KITLG: variants seen among roughly 807,000 people sequenced by gnomAD.
The protein encoded by KITLG is c-Kit ligand.
A neutral mutation model predicts 34.1 loss-of-function variants in KITLG; 13 were observed. The observed-to-expected ratio is 0.38, with a 90% CI of 0.25 to 0.61. KITLG has a LOEUF of 0.61. Ranked by LOEUF, KITLG falls within the 20% of genes least tolerant of loss-of-function variation. KITLG has a pLI of 0.60. For synonymous variants in KITLG, 110 were observed against 104.0 expected, an observed-to-expected ratio of 1.06 and a Z score of -0.35; for missense variants, 292 against 318.9, an observed-to-expected ratio of 0.92 and a Z score of 0.64.
chr12:88,534,490 G>A (rs1051089467), intron 2 of KITLG, among the ~76,000 whole-genome samples: 1 of 151,800 alleles, frequency 6.6e-6, no homozygotes, highest in Non-Finnish European at 1.5e-5. Context: ...CCTCGCATGT[G>A]TCAGCCTCTG....
intron 1 of KITLG, among the ~76,000 whole-genome samples, chr12:88,549,423 G>T (rs539077999): frequency 4.2e-4 from 64 of 152,274 alleles, no homozygotes; most frequent in African/African-American, 1.4e-3. Flanking sequence ...TCAAGAAAGG[G>T]TTATAGTAAT....
chr12:88,539,443 G>A (rs1354402516), intron 2 of KITLG, among the ~76,000 whole-genome samples: 2 of 152,112 alleles, frequency 1.3e-5, no homozygotes, highest in African/African-American at 4.8e-5. Context: ...CTCAGGTACA[G>A]TAGCTTACTA....
At chr12:88,502,169 C>T (rs1415157255) in intron 9 of KITLG, among the ~76,000 whole-genome samples, 2 of 152,152 alleles carry the variant, frequency 1.3e-5, no homozygotes, top group African/African-American at 4.8e-5. Flanking sequence ...ATTCATTCTG[C>T]CATCTATTTC....
chr12:88,563,277 T>C (rs1194990629), intron 1 of KITLG, among the ~76,000 whole-genome samples: 5 of 152,206 alleles, frequency 3.3e-5, no homozygotes, highest in African/African-American at 1.2e-4. Flanking sequence ...TCCCAAAGCA[T>C]TGGTTGACTC....
intron 6 of KITLG, among the ~76,000 whole-genome samples, chr12:88,514,332 G>A (rs1869382932): frequency 6.6e-6 from 1 of 151,630 alleles, no homozygotes; most frequent in Non-Finnish European, 1.5e-5. Flanking sequence ...AGAAATCAAT[G>A]AAATATAAGC....
rs1868661705 is a variant in KITLG, at chr12:88,496,919, C to A, written c.*300G>T. 5.7e-6 allele frequency: 1 copy of A among 174,086 alleles called. No individual in the cohort carries two copies. Among genetic ancestry groups the A allele is most frequent in the African/African-American group, 2.4e-5 (1 of 41,770 alleles). 10.8% of individuals were successfully genotyped at this position (174,086 alleles called of 1,614,324 possible). On this transcript the variant is annotated 3_prime_UTR_variant, in exon 10 of 10. Transcript: ENST00000644744. ...ACATGCAGTCTGAGACACGTGCTTT[C>A]TCTTCCAACATCAGCTGCAAGTTCT...
intron 1 of KITLG, among the ~76,000 whole-genome samples, chr12:88,564,701 AC>A (rs1296138177): frequency 6.6e-6 from 1 of 151,018 alleles, no homozygotes; most frequent in African/African-American, 2.4e-5. Flanking sequence ...AGAAATGTTA[AC>A]TTTTCAGATC....
At chr12:88,550,080 G>T (rs1316978097) in intron 1 of KITLG, among the ~76,000 whole-genome samples, 2 of 152,218 alleles carry the variant, frequency 1.3e-5, no homozygotes, top group African/African-American at 4.8e-5. Context: ...ATGGGAAAAA[G>T]CCAGTCTACA....
Position 88,518,809 on chromosome 12 carries a change from A to G in KITLG, c.251T>C (p.Leu84Pro). 6.2e-7 allele frequency: 1 copy of G among 1,613,520 alleles called. No homozygotes were observed. Among genetic ancestry groups the G allele is most frequent in the Non-Finnish European group, 8.5e-7 (1 of 1,179,584 alleles). The change falls in exon 4 of 10, where the codon CTT (leucine) becomes CCT (proline). Residue 84 changes from leucine to proline, a missense_variant. Leu to Pro is a moderately conservative substitution (Grantham distance 98). Transcript: ENST00000644744. ...VVQLSDSLTD[L>P]LDKFSNISEG... The stretch of plus-strand genomic sequence containing the variant: ...AGAAATATTTGAAAACTTGTCCAGA[A>G]GATCAGTCAAGCTGTCTGACAATTG...
chr12:88,532,798 T>G (rs533835576), intron 2 of KITLG, among the ~76,000 whole-genome samples: 1 of 152,170 alleles, frequency 6.6e-6, no homozygotes, highest in Non-Finnish European at 1.5e-5. Context: ...CTTCCACCTG[T>G]GATCTTGGAA....
chr12:88,530,183 G>A (rs113398414), intron 3 of KITLG, among the ~76,000 whole-genome samples: 3 of 152,166 alleles, frequency 2.0e-5, no homozygotes, highest in Admixed American at 6.6e-5. Flanking sequence ...AAGGATCTGG[G>A]GTGGGTCTTT....
At chr12:88,534,298 G>A (rs2120883783) in intron 2 of KITLG, among the ~76,000 whole-genome samples, 1 of 152,144 alleles carries the variant, frequency 6.6e-6, no homozygotes, top group East Asian at 1.9e-4. Flanking sequence ...CACTTGTTCT[G>A]GGTATTTTCC....
chr12:88,571,799 G>A (rs1871660830), intron 1 of KITLG, among the ~76,000 whole-genome samples: 2 of 152,110 alleles, frequency 1.3e-5, no homozygotes, highest in Non-Finnish European at 2.9e-5. Context: ...CAATGTTCAT[G>A]TAAACAGAAT....
chr12:88,545,656 T>C (rs1870694558), intron 2 of KITLG, 96 bp downstream of exon 2: 1 of 712,942 alleles, frequency 1.4e-6, no homozygotes, highest in African/African-American at 1.8e-5. Context: ...AAAACATTAC[T>C]TTGGGGCAAG....
intron 2 of KITLG, among the ~76,000 whole-genome samples, chr12:88,541,852 G>T (rs7964695): frequency 0.78 from 119,057 of 152,124 alleles, 49,238 homozygotes; most frequent in Middle Eastern, 0.93. Flanking sequence ...ATAAATCATG[G>T]GCTTCTGTGA....
chr12:88,556,890 T>C (rs1323468983), intron 1 of KITLG, among the ~76,000 whole-genome samples: 1 of 152,136 alleles, frequency 6.6e-6, no homozygotes, highest in Non-Finnish European at 1.5e-5. Context: ...CTAAAAGATG[T>C]CAATATGATG....
Position 88,493,727 on chromosome 12 carries a change from G to A in KITLG, c.*3492C>T, listed in dbSNP as rs905611111. On this transcript the variant is annotated 3_prime_UTR_variant, in exon 10 of 10. Coordinates refer to ENST00000644744, the MANE Select transcript of KITLG (RefSeq NM_000899.5). ...TTCAATAAAATGAGAAGATTTAAAC[G>A]CTCACTTTGGTGCATTTCCAAATGT... 6 of 151,754 alleles carry A rather than the reference G, an allele frequency of 4.0e-5. No homozygotes were observed. Among genetic ancestry groups the A allele is most frequent in the Non-Finnish European group, 7.4e-5 (5 of 67,826 alleles). 9.4% of individuals were successfully genotyped at this position (151,754 alleles called of 1,614,324 possible). A position where few individuals can be genotyped will look rare whatever the true frequency, so the allele number is the denominator to read the frequency against.
intron 1 of KITLG, among the ~76,000 whole-genome samples, chr12:88,574,374 A>G (rs1871762655): frequency 1.3e-5 from 2 of 152,172 alleles, no homozygotes; most frequent in African/African-American, 4.8e-5. Flanking sequence ...GGAGGTAAGC[A>G]AGCACTGTTC....
intron 1 of KITLG, among the ~76,000 whole-genome samples, chr12:88,554,177 A>G (rs1361095730): frequency 6.6e-6 from 1 of 152,230 alleles, no homozygotes; most frequent in Non-Finnish European, 1.5e-5. Context: ...TTCAGTAGAA[A>G]TTAAAATGCA....
Sources: gnomAD v4.1 joint callset for allele counts (sites outside exome capture counted in the v4.1 genomes callset) on GRCh38, gnomAD v4.1.1 for gene constraint, MANE v1.5 for transcripts, NCBI Gene and HGNC (gene_info 2026-07-23, HGNC 2026-07-21) for gene names.